The following METTL9 variants were observed in gnomAD, a reference collection of about 807,000 sequenced individuals.
METTL9 encodes methyltransferase 9, His-X-His N1(pi)-histidine.
In METTL9, 10 loss-of-function variants were observed where a neutral mutation model predicts 36.0. The observed-to-expected ratio is 0.28, with a 90% confidence interval of 0.17 to 0.47. METTL9 has a LOEUF of 0.47. METTL9 is among the 20% of genes least tolerant of loss of function. METTL9 has a pLI of 0.99. For synonymous variants in METTL9, 175 were observed against 149.7 expected (o/e 1.17, Z -1.23); for missense variants, 246 against 383.5 (o/e 0.64, Z 3.00).
chr16:21,620,516 G>T (rs1394425760), intron 3 of METTL9, among the ~76,000 whole-genome samples: 2 of 152,146 alleles, frequency 1.3e-5, no homozygotes, highest in Non-Finnish European at 2.9e-5. Context: ...GACCGCCCCA[G>T]CCTTCTTTTG....
chr16:21,599,087 A>G (rs1965020088), upstream of METTL9, among the ~76,000 whole-genome samples: 1 of 152,032 alleles, frequency 6.6e-6, no homozygotes, highest in Non-Finnish European at 1.5e-5. This position sits in a 1 kb window ranked among gnomAD's most constrained non-coding sequence, Gnocchi z 4.4. Context: ...TCCGGGAAGA[A>G]CCTGTGTGTG....
intron 4 of METTL9, among the ~76,000 whole-genome samples, chr16:21,647,759 C>T (rs530978166): frequency 6.6e-6 from 1 of 152,256 alleles, no homozygotes; most frequent in East Asian, 1.9e-4. Flanking sequence ...GTGCAGGAGG[C>T]CTGCATAGAG....
At chr16:21,642,984 A>G in intron 4 of METTL9, 2 of 789,124 alleles carry the variant, frequency 2.5e-6, no homozygotes, top group East Asian at 2.4e-5. Flanking sequence ...CTGAAGGAAA[A>G]CATGGTTCTT....
intron 4 of METTL9, among the ~76,000 whole-genome samples, chr16:21,631,525 T>C (rs1965960369): frequency 6.6e-6 from 1 of 152,212 alleles, no homozygotes; most frequent in Non-Finnish European, 1.5e-5. Context: ...GCAATTTTCC[T>C]AACTCTGTTT....
In METTL9 at chr16:21,599,961, G is replaced by A; in HGVS notation, c.165+63G>A. Reference sequence around the variant, plus strand: ...GGCCCGGCCTTCCCGCGCTGGGCCCGGCTATTGTGCGGGACGGCTCCGCGA... The same window carrying A: ...GGCCCGGCCTTCCCGCGCTGGGCCCAGCTATTGTGCGGGACGGCTCCGCGA... On this transcript the variant is annotated intron_variant, in intron 1 of 4. Coordinates refer to ENST00000358154, the MANE Select transcript of METTL9 (RefSeq NM_016025.5). The surrounding 1 kb of genome is among the most constrained non-coding windows in gnomAD (Gnocchi z 4.4). 1 of 1,260,970 alleles carries A rather than the reference G, an allele frequency of 7.9e-7. No individual in the cohort carries two copies. The highest frequency in any genetic ancestry group is 1.0e-6 in the Non-Finnish European group (1 of 1,003,794). 78.1% of individuals were successfully genotyped at this position (1,260,970 alleles called of 1,614,324 possible).
intron 3 of METTL9, among the ~76,000 whole-genome samples, chr16:21,624,049 G>A (rs748623854): frequency 5.3e-5 from 8 of 152,158 alleles, no homozygotes; most frequent in Non-Finnish European, 8.8e-5. Context: ...GATTACAGGC[G>A]TGAGCCACCG....
chr16:21,650,663 A>G (rs1966549392), intron 4 of METTL9, among the ~76,000 whole-genome samples: 1 of 152,154 alleles, frequency 6.6e-6, no homozygotes, highest in Non-Finnish European at 1.5e-5. Flanking sequence ...CAATTAGGCT[A>G]TGTGTGGGAG....
chr16:21,604,338 G>A (rs532073567), intron 1 of METTL9, among the ~76,000 whole-genome samples: 1 of 152,250 alleles, frequency 6.6e-6, no homozygotes, highest in South Asian at 2.1e-4. Flanking sequence ...CTTTGAAGGT[G>A]CCCTAGAAGA....
rs1458511503 is a variant in METTL9, at chr16:21,655,579, T to C, written c.*147T>C. The C allele has an allele frequency of 2.9e-6, 2 of 687,084 alleles. No homozygotes were observed. The allele number at this position is 687,084 out of a possible 1,614,324, so 42.6% of individuals were successfully genotyped here. On this transcript the variant is annotated 3_prime_UTR_variant, in exon 5 of 5. Coordinates refer to ENST00000358154, the MANE Select transcript of METTL9 (RefSeq NM_016025.5). Reference sequence around the variant, plus strand: ...GGAATTTAAAAAGCCAAAATACTAATTATTTCTTTGTAGTGTGTAAAGGAA... The same window carrying C: ...GGAATTTAAAAAGCCAAAATACTAACTATTTCTTTGTAGTGTGTAAAGGAA...
At chr16:21,605,505 A>G (rs1372921276) in intron 1 of METTL9, among the ~76,000 whole-genome samples, 1 of 151,416 alleles carries the variant, frequency 6.6e-6, no homozygotes, top group African/African-American at 2.4e-5. Context: ...TCAGTCTCCC[A>G]AAGTGCTGGG....
At chr16:21,624,143 CA>C (rs1182682406) in intron 3 of METTL9, among the ~76,000 whole-genome samples, 2 of 152,078 alleles carry the variant, frequency 1.3e-5, no homozygotes, top group South Asian at 2.1e-4. Flanking sequence ...GAAATGTGCT[CA>C]AAGGTCATAA....
chr16:21,608,148 C>CAAAAAAAAAAA (rs556503146), intron 1 of METTL9, among the ~76,000 whole-genome samples: 1 of 151,008 alleles, frequency 6.6e-6, no homozygotes, highest in East Asian at 2.0e-4. Context: ...GACTCCGTCT[C>CAAAAAAAAAAA]AAAAAAAACA....
intron 1 of METTL9, among the ~76,000 whole-genome samples, chr16:21,603,348 AG>A (rs1166897214): frequency 1.3e-5 from 2 of 152,126 alleles, no homozygotes; most frequent in Non-Finnish European, 2.9e-5. Flanking sequence ...CATGTTGGCC[AG>A]GCTGGTCTTG....
rs199638164 is a variant in METTL9, at chr16:21,606,864, T to TTTGTATTTTGGGAATG, written c.166-5769_166-5754dup. Among the ~76,000 whole-genome samples, 1,319 of 152,282 alleles carry TTTGTATTTTGGGAATG rather than the reference T, an allele frequency of 8.7e-3. 38 individuals carry two copies. Among genetic ancestry groups the TTTGTATTTTGGGAATG allele is most frequent in the East Asian group, 0.081 (422 of 5,188 alleles). ...TGACTCTGCTAGTGTGCTTAAATCC[T>TTTGTATTTTGGGAATG]TTGTATTTTGGGAATGTTGTATTTT... On this transcript the variant is annotated intron_variant, in intron 1 of 4. Coordinates refer to ENST00000358154, the MANE Select transcript of METTL9 (RefSeq NM_016025.5).
At chr16:21,616,307 G>C (rs1965553845) in intron 2 of METTL9, among the ~76,000 whole-genome samples, 1 of 152,154 alleles carries the variant, frequency 6.6e-6, no homozygotes, top group South Asian at 2.1e-4. Flanking sequence ...GAAGTGGGCT[G>C]GCCACAGCTC....
chr16:21,627,731 G>A (rs572891803), intron 4 of METTL9, among the ~76,000 whole-genome samples: 1 of 152,248 alleles, frequency 6.6e-6, no homozygotes, highest in East Asian at 1.9e-4. Flanking sequence ...GGCAGATCAT[G>A]AGGTCAGGAG....
chr16:21,640,176 G>C (rs913430023), intron 4 of METTL9: 11 of 151,988 alleles, frequency 7.2e-5, no homozygotes, highest in African/African-American at 2.4e-4. Context: ...CTGATCTCAT[G>C]ATTCACCTGC....
chr16:21,602,665 G>GTTTTTT (rs11415914), intron 1 of METTL9, among the ~76,000 whole-genome samples: 1 of 150,000 alleles, frequency 6.7e-6, no homozygotes, highest in Non-Finnish European at 1.5e-5. Context: ...CAAATAAAGT[G>GTTTTTT]TTTTTTTTTT....
intron 4 of METTL9, chr16:21,647,262 G>A (rs1213384130): frequency 6.2e-7 from 1 of 1,614,154 alleles, no homozygotes; most frequent in East Asian, 2.2e-5. Context: ...AGGGAAACTT[G>A]GTTTTCTTTG....
Sources: gnomAD v4.1 joint callset for allele counts (sites outside exome capture counted in the v4.1 genomes callset) on GRCh38, gnomAD v4.1.1 for gene constraint, Gnocchi (gnomAD v3.1) non-coding constraint, MANE v1.5 for transcripts, NCBI Gene and HGNC (gene_info 2026-07-23, HGNC 2026-07-21) for gene names.